ALG8: variants seen among roughly 807,000 people sequenced by gnomAD.
ALG8 encodes ALG8 alpha-1,3-glucosyltransferase.
ALG8 carries 48 observed loss-of-function variants against 70.2 expected under a neutral mutation model. That is an observed-to-expected ratio of 0.68 (90% CI 0.54 to 0.87). ALG8 has a LOEUF of 0.87. ALG8 is among the 40% of genes least tolerant of loss of function. ALG8 has a pLI of 0.00. For synonymous variants in ALG8, 234 were observed against 229.0 expected (o/e 1.02, Z -0.20); for missense variants, 572 against 608.7 (o/e 0.94, Z 0.64).
intron 3 of ALG8, among the ~76,000 whole-genome samples, chr11:78,121,753 C>T (rs1020956527): frequency 2.6e-5 from 4 of 152,084 alleles, no homozygotes; most frequent in Non-Finnish European, 5.9e-5. Flanking sequence ...GTAAAAACTG[C>T]AGACCAGGCT....
chr11:78,133,346 A>G (rs2136945862), intron 1 of ALG8: 1 of 152,272 alleles, frequency 6.6e-6, no homozygotes, highest in South Asian at 2.1e-4. Flanking sequence ...TTATCCTGTA[A>G]CTTCCCTCTC....
At chr11:78,128,678 T>C (rs1278205034) in intron 1 of ALG8, among the ~76,000 whole-genome samples, 2 of 151,546 alleles carry the variant, frequency 1.3e-5, no homozygotes, top group South Asian at 2.1e-4. Context: ...TAGTGCGATC[T>C]TGGCTCACTG....
Position 78,113,982 on chromosome 11 carries a change from A to T in ALG8, c.681T>A (p.Ser227=). ...YCFTANKPDG[S]IRWKSFSFVR... ...CAAAGCTGAAACTCTTCCATCGAAT[A>T]GACCCATCTACAGAAAAGGAACATT... The change falls in exon 7 of 13, where the codon TCT becomes TCA. Residue 227 remains serine, a synonymous_variant. Coordinates refer to ENST00000299626, the MANE Select transcript of ALG8 (RefSeq NM_024079.5). 6.2e-7 allele frequency: 1 copy of T among 1,600,996 alleles called. No homozygotes were observed. Among genetic ancestry groups the T allele is most frequent in the Non-Finnish European group, 8.5e-7 (1 of 1,173,266 alleles).
At chr11:78,118,794 TGTG>T (rs1456774468) in intron 5 of ALG8, among the ~76,000 whole-genome samples, 1 of 151,540 alleles carries the variant, frequency 6.6e-6, no homozygotes. Context: ...ATTAGCCAGG[TGTG>T]GTGGTGTGCA....
At chr11:78,118,488 C>T (rs1049190092) in intron 5 of ALG8, among the ~76,000 whole-genome samples, 9 of 151,420 alleles carry the variant, frequency 5.9e-5, no homozygotes, top group East Asian at 1.9e-4. Flanking sequence ...TGGTGGTGGG[C>T]GCCTGTAATC....
At position 78,101,061 on chromosome 11, in the gene ALG8, G is replaced by T. The variant is rs1213111836; in HGVS notation, c.1484C>A (p.Thr495Asn). The change falls in exon 13 of 13, where the codon ACC (threonine) becomes AAC (asparagine). Residue 495 changes from threonine (T) to asparagine (N), a missense_variant. Thr to Asn is a moderately conservative substitution (Grantham distance 65, BLOSUM62 0). Transcript: ENST00000299626. ...GATGCCTACTGCACAATACACTGAG[G>T]TTAGTAACAAAGGGATGAAGGGGTA... ...VKYPFIPLLLTSVYCAVGITY... is the reference protein window; with the variant it reads ...VKYPFIPLLLNSVYCAVGITY... 6.2e-7 allele frequency: 1 copy of T among 1,614,186 alleles called. No individual in the cohort carries two copies.
intron 2 of ALG8, among the ~76,000 whole-genome samples, 171 bp from the exon 3 acceptor site, chr11:78,124,385 T>C (rs1860971211): frequency 6.6e-6 from 1 of 152,204 alleles, no homozygotes; most frequent in African/African-American, 2.4e-5. Flanking sequence ...GGCAGATCGC[T>C]TGAGCCCAGG....
rs145261802 is a variant in ALG8 at position 78,119,989 on chromosome 11, C to T, written c.479-740G>A. ...TGGTGGCACACACCTGTAGTCCCAG[C>T]TACTCGGGAGGCTGAAGCATGAGAA... On this transcript the variant is annotated intron_variant, in intron 4 of 12. Transcript: ENST00000299626. Among the ~76,000 whole-genome samples the T allele has an allele frequency of 3.3e-3, 507 of 152,130 alleles. 5 individuals are homozygous for T. The highest frequency in any genetic ancestry group is 0.012 in the African/African-American group (488 of 41,498).
At chr11:78,127,515 A>G (rs1861131725) in intron 1 of ALG8, 79 bp from the exon 2 acceptor site, 6 of 1,208,082 alleles carry the variant, frequency 5.0e-6, no homozygotes, top group African/African-American at 3.0e-5. Context: ...ATGCTTTTAA[A>G]TGGACTGACA....
At chr11:78,116,649 T>C (rs1590820068) in intron 5 of ALG8, among the ~76,000 whole-genome samples, 1 of 151,188 alleles carries the variant, frequency 6.6e-6, no homozygotes, top group Non-Finnish European at 1.5e-5. Context: ...GCCCAGGAGG[T>C]TGAGGTTACA....
chr11:78,118,641 A>G (rs1860687119), intron 5 of ALG8, among the ~76,000 whole-genome samples: 1 of 147,318 alleles, frequency 6.8e-6, no homozygotes, highest in Non-Finnish European at 1.5e-5. Context: ...AAAAAAACAA[A>G]AGCAAAGAAA....
intron 5 of ALG8, chr11:78,114,614 T>C: frequency 1.7e-6 from 1 of 577,526 alleles, no homozygotes; most frequent in East Asian, 3.2e-5. Context: ...GAACTCTCTG[T>C]ACTATTTCTA....
chr11:78,137,484 G>A (rs370759419), intron 1 of ALG8: 12 of 152,348 alleles, frequency 7.9e-5, no homozygotes, highest in South Asian at 4.1e-4. Context: ...CTTTCAGCCC[G>A]TCTTGGCTTT....
chr11:78,121,344 A>T, intron 3 of ALG8, 170 bp from the exon 4 acceptor site: 1 of 622,608 alleles, frequency 1.6e-6, no homozygotes, highest in Non-Finnish European at 2.8e-6. Flanking sequence ...ATGGGGTATC[A>T]CTGTTGCCCA....
chr11:78,117,560 G>A (rs1412151461), intron 5 of ALG8, among the ~76,000 whole-genome samples: 1 of 149,640 alleles, frequency 6.7e-6, no homozygotes, highest in Non-Finnish European at 1.5e-5. Context: ...ATCACTTGTG[G>A]TCAGGAGTTT....
At chr11:78,105,237 A>C (rs1250165333) in intron 10 of ALG8, among the ~76,000 whole-genome samples, 1 of 152,232 alleles carries the variant, frequency 6.6e-6, no homozygotes, top group Non-Finnish European at 1.5e-5. Context: ...TACTGGCCTG[A>C]CAAATTTGCT....
chr11:78,104,131 C>T (rs1859916921), intron 11 of ALG8, 79 bp from the exon 12 acceptor site: 1 of 991,066 alleles, frequency 1.0e-6, no homozygotes, highest in Non-Finnish European at 1.6e-6. Context: ...TATAAGCACA[C>T]TGACACAGCT....
chr11:78,117,261 A>G (rs1860617541), intron 5 of ALG8, among the ~76,000 whole-genome samples: 1 of 152,194 alleles, frequency 6.6e-6, no homozygotes, highest in Non-Finnish European at 1.5e-5. Flanking sequence ...ATGGTGTATC[A>G]AAATTCCTTA....
chr11:78,123,668 T>G (rs768670814), intron 3 of ALG8, among the ~76,000 whole-genome samples: 40 of 151,976 alleles, frequency 2.6e-4, no homozygotes, highest in Admixed American at 8.5e-4. Flanking sequence ...TAAGATAGGG[T>G]AGGTGATGGA....
Sources: allele counts gnomAD v4.1 joint callset (sites outside exome capture counted in the v4.1 genomes callset), GRCh38; gene constraint gnomAD v4.1.1; transcripts MANE v1.5; gene names NCBI Gene and HGNC (gene_info 2026-07-23, HGNC 2026-07-21).